Variants in COPS4 observed in about 807,000 individuals in gnomAD.
COPS4 encodes the protein COP9 signalosome subunit 4.
COPS4 carries 8 observed loss-of-function variants against 55.1 expected under a neutral mutation model. The ratio of observed to expected loss-of-function variants is 0.15; its 90% CI spans 0.09 to 0.26. The LOEUF is 0.26. COPS4 is among the 10% of genes least tolerant of loss of function. COPS4 has a pLI of 1.00. For synonymous variants in COPS4, 185 were observed against 165.7 expected, an observed-to-expected ratio of 1.12 and a Z score of -0.90; for missense variants, 248 against 484.0, an observed-to-expected ratio of 0.51 and a Z score of 4.58.
rs1731283708 is a variant in COPS4 at position 83,066,052 on chromosome 4, T to G, written c.887-386T>G. Among the ~76,000 whole-genome samples the G allele has an allele frequency of 2.6e-5, 4 of 152,262 alleles. No homozygotes were observed. The South Asian group carries it at 8.3e-4, about 32-fold the overall frequency. On this transcript the variant is annotated intron_variant, in intron 7 of 9. Coordinates refer to ENST00000264389, the MANE Select transcript of COPS4 (RefSeq NM_016129.3). ...CTGTAGTCCCAGCTGCTCAGGATAC[T>G]TAGGCATGAGAATCACTTGAACCTG...
At chr4:83,051,603 G>A (rs912597242) in intron 4 of COPS4, among the ~76,000 whole-genome samples, 1 of 152,156 alleles carries the variant, frequency 6.6e-6, no homozygotes, top group Non-Finnish European at 1.5e-5. Context: ...TTGGAGTGGG[G>A]AAGAATAGGT....
At chr4:83,047,444 A>AC (rs11442620) in intron 2 of COPS4, among the ~76,000 whole-genome samples, 151,549 of 152,242 alleles carry the variant, frequency 1, 75,429 homozygotes, top group Middle Eastern at 1. Flanking sequence ...AGTCCCAGCT[A>AC]TTGGGACGCT....
At chr4:83,042,716 C>G (rs555958268) in intron 1 of COPS4, among the ~76,000 whole-genome samples, 19 of 152,034 alleles carry the variant, frequency 1.2e-4, no homozygotes, top group East Asian at 3.9e-4. Context: ...AATCCTCCCC[C>G]CTCAGCCTCC....
At chr4:83,059,286 G>T (rs1233799147) in intron 6 of COPS4, among the ~76,000 whole-genome samples, 1 of 151,750 alleles carries the variant, frequency 6.6e-6, no homozygotes, top group African/African-American at 2.4e-5. Context: ...TTTCTTTAAT[G>T]GCTTCAAGGT....
At chr4:83,055,917 C>CT (rs770041926) in intron 4 of COPS4, among the ~76,000 whole-genome samples, 6 of 130,416 alleles carry the variant, frequency 4.6e-5, no homozygotes, top group Non-Finnish European at 6.2e-5. Flanking sequence ...CTTTTCTTTT[C>CT]TTTTTTTTCT....
At chr4:83,057,230 C>A (rs1731035722) in intron 5 of COPS4, 28 bp from the exon 6 acceptor site, 1 of 1,559,486 alleles carries the variant, frequency 6.4e-7, no homozygotes, top group East Asian at 2.3e-5. Context: ...TAATTTGTCC[C>A]CTAATTGAAA....
At chr4:83,063,565 G>A (rs775360715) in intron 7 of COPS4, among the ~76,000 whole-genome samples, 14 of 151,062 alleles carry the variant, frequency 9.3e-5, no homozygotes, top group East Asian at 3.9e-4. Flanking sequence ...CCGCCACCAC[G>A]CCTGGCTAAT....
intron 2 of COPS4, among the ~76,000 whole-genome samples, chr4:83,047,452 G>A (rs531725760): frequency 1.3e-5 from 2 of 152,006 alleles, no homozygotes; most frequent in East Asian, 3.9e-4. Flanking sequence ...CTATTGGGAC[G>A]CTGAGGTGGG....
At position 83,052,826 on chromosome 4, in the gene COPS4, A is replaced by G. The variant is rs186940059; in HGVS notation, c.410+2842A>G. ...GGTCTCAAACTCCAGGGCTCAAGCA[A>G]TCCACCTGCCTTGGCCTCCCAAAGT... On this transcript the variant is annotated intron_variant, in intron 4 of 9. Coordinates refer to ENST00000264389, the MANE Select transcript of COPS4 (RefSeq NM_016129.3). 2.4e-3 allele frequency among the ~76,000 whole-genome samples: 370 copies of G among 152,276 alleles called. 1 individual carries two copies. Among genetic ancestry groups the G allele is most frequent in the African/African-American group, 8.5e-3 (355 of 41,562 alleles).
chr4:83,040,143 AG>A (rs1307912839), intron 1 of COPS4, among the ~76,000 whole-genome samples: 1 of 152,020 alleles, frequency 6.6e-6, no homozygotes, highest in African/African-American at 2.4e-5. Flanking sequence ...TACTCCATTG[AG>A]TTTCTAAGTT....
intron 9 of COPS4, among the ~76,000 whole-genome samples, chr4:83,073,050 G>A (rs1357525767): frequency 1.3e-5 from 2 of 152,194 alleles, no homozygotes; most frequent in African/African-American, 4.8e-5. Flanking sequence ...TCACCTAACA[G>A]AACAGTAGCC....
chr4:83,035,713 C>G (rs1034070677), intron 1 of COPS4: 1 of 168,856 alleles, frequency 5.9e-6, no homozygotes, highest in African/African-American at 2.4e-5. Flanking sequence ...AATGTATATT[C>G]TGGGGCCTTG....
chr4:83,067,351 C>T (rs1731315624), intron 8 of COPS4, among the ~76,000 whole-genome samples: 1 of 152,000 alleles, frequency 6.6e-6, no homozygotes, highest in South Asian at 2.1e-4. Flanking sequence ...AGGCGATTCT[C>T]CTACCTCAGC....
At chr4:83,062,624 G>T (rs1366119746) in intron 6 of COPS4, among the ~76,000 whole-genome samples, 2 of 152,090 alleles carry the variant, frequency 1.3e-5, no homozygotes, top group African/African-American at 4.8e-5. Flanking sequence ...CAGTGATTTT[G>T]CTGTTTAAAA....
rs1216752760 is a variant in COPS4 at position 83,068,344 on chromosome 4, T to C, written c.1003-94T>C. ...TTAATGTATATGTAAAGTTTAGTGATGGTAGTTAAACCAGAAGCTTTCTGT... is the reference window on the plus strand; with the variant it reads ...TTAATGTATATGTAAAGTTTAGTGACGGTAGTTAAACCAGAAGCTTTCTGT... On this transcript the variant is annotated intron_variant, in intron 8 of 9. Coordinates refer to ENST00000264389, the MANE Select transcript of COPS4 (RefSeq NM_016129.3). The C allele has an allele frequency of 5.1e-6, 4 of 779,132 alleles. No homozygotes were observed. In the African/African-American group the frequency reaches 5.3e-5, roughly 10 times the overall value. 48.3% of individuals were successfully genotyped at this position (779,132 alleles called of 1,614,324 possible).
At position 83,063,773 on chromosome 4, in the gene COPS4, G is replaced by A. The variant is rs188930748; in HGVS notation, c.886+527G>A. Among the ~76,000 whole-genome samples the A allele has an allele frequency of 2.7e-3, 397 of 149,248 alleles. 5 individuals carry two copies. The highest frequency in any genetic ancestry group is 3.3e-3 in the Non-Finnish European group (227 of 67,942). On this transcript the variant is annotated intron_variant, in intron 7 of 9. Coordinates refer to ENST00000264389, the MANE Select transcript of COPS4 (RefSeq NM_016129.3). The stretch of plus-strand genomic sequence containing the variant: ...CGCCCAGGCTGGAGTGCAATGGTGC[G>A]ATCTCGGTTCACCACAACCTCTGCC...
At chr4:83,065,684 C>G (rs1731276477) in intron 7 of COPS4, among the ~76,000 whole-genome samples, 1 of 152,168 alleles carries the variant, frequency 6.6e-6, no homozygotes, top group Non-Finnish European at 1.5e-5. Flanking sequence ...GATTCTATGC[C>G]TGATCTTTCA....
chr4:83,036,269 C>T (rs1170134641), intron 1 of COPS4, among the ~76,000 whole-genome samples: 1 of 148,534 alleles, frequency 6.7e-6, no homozygotes, highest in Non-Finnish European at 1.5e-5. Context: ...CCCCCCCCCC[C>T]GCCGCCACCC....
Position 83,075,643 on chromosome 4 carries a change from A to G in COPS4, c.*213A>G. On this transcript the variant is annotated 3_prime_UTR_variant, in exon 10 of 10. Coordinates refer to ENST00000264389, the MANE Select transcript of COPS4 (RefSeq NM_016129.3). ...GGGTCTCTGTGTATTAAGCTAACTC[A>G]GATGTTTTGAAAGCTTTTTCTTTAA... The G allele has an allele frequency of 2.4e-6, 1 of 422,854 alleles. No homozygotes were observed. Among genetic ancestry groups the G allele is most frequent in the Non-Finnish European group, 4.0e-6 (1 of 249,270 alleles). 26.2% of individuals were successfully genotyped at this position (422,854 alleles called of 1,614,324 possible).
Sources: allele counts gnomAD v4.1 joint callset (sites outside exome capture counted in the v4.1 genomes callset), GRCh38; gene constraint gnomAD v4.1.1; transcripts MANE v1.5; gene names NCBI Gene and HGNC (gene_info 2026-07-23, HGNC 2026-07-21).